Variants in RNF216 observed in about 807,000 individuals in gnomAD.
RNF216 encodes the protein ring finger protein 216, also known as E3 ubiquitin-protein ligase RNF216.
RNF216 carries 72 observed loss-of-function variants against 110.8 expected under a neutral mutation model. The ratio of observed to expected loss-of-function variants is 0.65; its 90% CI spans 0.54 to 0.79. The LOEUF is 0.79. Among genes scored for constraint, RNF216 ranks in the 30% least tolerant of loss-of-function variants. The pLI is 0.00. For missense variants in RNF216, 1,342 were observed against 1,141.2 expected (o/e 1.18, Z -2.54); for synonymous variants, 495 against 407.5 (o/e 1.21, Z -2.59).
In RNF216 at chr7:5,716,772, GAAC is replaced by G. The variant is rs1793090906; in HGVS notation, c.1645-9_1645-7del. 6.2e-7 allele frequency: 1 copy of G among 1,600,520 alleles called. No homozygotes were observed. The highest frequency in any genetic ancestry group is 8.5e-7 in the Non-Finnish European group (1 of 1,173,194). ...GCAAGCAAAAAGTCTTCATGCTGAA[GAAC>G]AAAAAAGGCACACATTCAGACACAA... On this transcript the variant is annotated splice_polypyrimidine_tract_variant and splice_region_variant and intron_variant, in intron 9 of 16. Transcript: ENST00000389902.
At chr7:5,778,198 C>A (rs1034241569) in intron 1 of RNF216, among the ~76,000 whole-genome samples, 1 of 152,224 alleles carries the variant, frequency 6.6e-6, no homozygotes, top group African/African-American at 2.4e-5. Flanking sequence ...TTACCTCATA[C>A]CTTTTCCCCC....
chr7:5,762,046 G>A (rs1795963190), intron 1 of RNF216, among the ~76,000 whole-genome samples: 1 of 151,984 alleles, frequency 6.6e-6, no homozygotes, highest in African/African-American at 2.4e-5. Flanking sequence ...GGACAGGGAT[G>A]GTCATTATAG....
chr7:5,721,060 A>G lies in RNF216; in HGVS notation c.1617T>C (p.Tyr539=). ...CTGCCATCTCTTTGATTTTCTGCTC[A>G]TAGAACTCCTGCTCTTGTTGCACAG... ...LPAVQQEQEF[Y]EQKIKEMAEH... Residue 539 remains tyrosine (Y), a synonymous_variant, in exon 9 of 17, where the codon TAT becomes TAC. Coordinates refer to ENST00000389902, the MANE Select transcript of RNF216 (RefSeq NM_207111.4). 6.2e-7 allele frequency: 1 copy of G among 1,614,218 alleles called. No individual in the cohort carries two copies. The highest frequency in any genetic ancestry group is 8.5e-7 in the Non-Finnish European group (1 of 1,180,038).
chr7:5,634,736 G>A (rs768595073), intron 15 of RNF216, among the ~76,000 whole-genome samples: 22 of 152,202 alleles, frequency 1.4e-4, no homozygotes, highest in African/African-American at 4.6e-4. Flanking sequence ...TTTGCGTCCC[G>A]TCAGGGTCAA....
intron 7 of RNF216, among the ~76,000 whole-genome samples, chr7:5,726,921 CT>C (rs1330857911): frequency 6.6e-6 from 1 of 151,466 alleles, no homozygotes; most frequent in Non-Finnish European, 1.5e-5. Flanking sequence ...GAAGGGGTAC[CT>C]GATTTGAAAC....
At chr7:5,744,727 C>G (rs1343572775) in intron 3 of RNF216, among the ~76,000 whole-genome samples, 1 of 152,192 alleles carries the variant, frequency 6.6e-6, no homozygotes, top group African/African-American at 2.4e-5. Flanking sequence ...AATCCCAGCA[C>G]TTTGGGAGCC....
intron 13 of RNF216, among the ~76,000 whole-genome samples, chr7:5,705,419 C>T (rs1463317268): frequency 6.6e-6 from 1 of 152,184 alleles, no homozygotes; most frequent in Non-Finnish European, 1.5e-5. Context: ...ACCTTCTAAT[C>T]CTCTACCTCT....
intron 13 of RNF216, among the ~76,000 whole-genome samples, chr7:5,693,093 C>T (rs1791431566): frequency 6.6e-6 from 1 of 152,228 alleles, no homozygotes; most frequent in Non-Finnish European, 1.5e-5. Context: ...CCACGTCATT[C>T]TTTTAAACGC....
chr7:5,623,904 C>T (rs1417345864), intron 16 of RNF216, 152 bp downstream of exon 16: 25 of 626,362 alleles, frequency 4.0e-5, no homozygotes, highest in Non-Finnish European at 4.2e-5. Flanking sequence ...GAGATGTGGC[C>T]GCGTGGGTGA....
At chr7:5,637,365 A>G (rs942035520) in intron 15 of RNF216, among the ~76,000 whole-genome samples, 1 of 152,214 alleles carries the variant, frequency 6.6e-6, no homozygotes, top group Non-Finnish European at 1.5e-5. Context: ...AGGGCAGGCT[A>G]GCTAAGGGTT....
chr7:5,778,169 C>A (rs1048737662), intron 1 of RNF216, among the ~76,000 whole-genome samples: 1 of 152,228 alleles, frequency 6.6e-6, no homozygotes, highest in Non-Finnish European at 1.5e-5. Context: ...ATCACCTGAC[C>A]TTGCTGACAT....
At chr7:5,652,532 A>G (rs772384746) in intron 13 of RNF216, 22 bp from the exon 14 acceptor site, 2 of 1,518,696 alleles carry the variant, frequency 1.3e-6, no homozygotes, top group Non-Finnish European at 1.8e-6. Context: ...GGACAGACAC[A>G]AAGACAACTC....
intron 1 of RNF216, among the ~76,000 whole-genome samples, chr7:5,762,354 C>G (rs2128671920): frequency 6.6e-6 from 1 of 151,920 alleles, no homozygotes; most frequent in South Asian, 2.1e-4. Context: ...GAAACCCCAT[C>G]TCTATTAAAA....
At chr7:5,651,049 G>C (rs1788354680) in intron 14 of RNF216, among the ~76,000 whole-genome samples, 1 of 152,226 alleles carries the variant, frequency 6.6e-6, no homozygotes, top group South Asian at 2.1e-4. Context: ...ACGAGCGGAA[G>C]TGAGATATAT....
Position 5,721,168 on chromosome 7 carries a change from G to C in RNF216, c.1509C>G (p.Asp503Glu). ...AGAACATCCTCTTTTCTATTTTTATGTCACCTAGAAGATATACGACAATGC... is the reference window on the plus strand; with the variant it reads ...AGAACATCCTCTTTTCTATTTTTATCTCACCTAGAAGATATACGACAATGC... ...SYIDFKFEQG[D>E]IKIEKRMFFL... The change falls in exon 9 of 17, where the codon GAC (aspartate) becomes GAG (glutamate). Residue 503 changes from aspartate (D) to glutamate (E), a missense_variant. Transcript: ENST00000389902. 4 of 1,612,578 alleles carry C rather than the reference G, an allele frequency of 2.5e-6. No homozygotes were observed. Among genetic ancestry groups the C allele is most frequent in the Non-Finnish European group, 3.4e-6 (4 of 1,179,120 alleles).
intron 7 of RNF216, among the ~76,000 whole-genome samples, chr7:5,726,551 T>A (rs1358757680): frequency 6.6e-6 from 1 of 152,056 alleles, no homozygotes; most frequent in Non-Finnish European, 1.5e-5. Context: ...ATTTCCCTTA[T>A]CAGGATTTAA....
chr7:5,673,263 C>T (rs1302688412), intron 13 of RNF216, among the ~76,000 whole-genome samples: 1 of 152,192 alleles, frequency 6.6e-6, no homozygotes, highest in African/African-American at 2.4e-5. Context: ...CTCTCCCCGC[C>T]CACCTATCTA....
intron 1 of RNF216, among the ~76,000 whole-genome samples, chr7:5,780,638 G>A (rs1038462224): frequency 6.6e-6 from 1 of 152,036 alleles, no homozygotes; most frequent in African/African-American, 2.4e-5. Flanking sequence ...CCGGGAGGCA[G>A]AGCTTGCAGT....
intron 7 of RNF216, among the ~76,000 whole-genome samples, chr7:5,727,166 C>T (rs1379962878): frequency 6.6e-6 from 1 of 152,224 alleles, no homozygotes; most frequent in Non-Finnish European, 1.5e-5. Flanking sequence ...CCTGCTGAAA[C>T]TTAATCCCCA....
Sources: gnomAD v4.1 joint callset for allele counts (sites outside exome capture counted in the v4.1 genomes callset) on GRCh38, gnomAD v4.1.1 for gene constraint, MANE v1.5 for transcripts, NCBI Gene and HGNC (gene_info 2026-07-23, HGNC 2026-07-21) for gene names.